Variants in ZNF619 observed in about 807,000 individuals in gnomAD.
The protein encoded by ZNF619 is zinc finger protein 619.
Under a neutral mutation model 14.2 loss-of-function variants are expected in ZNF619, and 9 were observed. The ratio of observed to expected loss-of-function variants is 0.64; its 90% CI spans 0.38 to 1.11. ZNF619 has a LOEUF of 1.11. ZNF619 is among the 50% of genes least tolerant of loss of function. The pLI is 0.01. For synonymous variants in ZNF619, 246 were observed against 252.8 expected, an observed-to-expected ratio of 0.97 and a Z score of 0.26; for missense variants, 659 against 680.1, an observed-to-expected ratio of 0.97 and a Z score of 0.34.
intron 2 of ZNF619, among the ~76,000 whole-genome samples, chr3:40,478,829 TG>T (rs139086403): frequency 0.028 from 4,251 of 152,270 alleles, 182 homozygotes; most frequent in African/African-American, 0.096. Context: ...TGTGTCCTTT[TG>T]GTGGATATTG....
rs149623452 is a variant in ZNF619 at position 40,487,373 on chromosome 3, A to G, written c.863A>G (p.Tyr288Cys). The change falls in exon 5 of 5, where the codon TAT (tyrosine) becomes TGT (cysteine). Residue 288 changes from tyrosine (Y) to cysteine (C), a missense_variant. Transcript: ENST00000432264. ...AAGCTCCATGGTGGACAGAGGCCCT[A>G]TGAATGTACTGACTGTGGTAAAACC... ...HQKLHGGQRPYECTDCGKTFS... is the reference protein window; with the variant it reads ...HQKLHGGQRPCECTDCGKTFS... The G allele has an allele frequency of 4.3e-6, 7 of 1,614,120 alleles. No homozygotes were observed. The highest frequency in any genetic ancestry group is 3.3e-5 in the Admixed American group (2 of 60,006).
At chr3:40,481,142 T>C (rs1160058411) in intron 2 of ZNF619, among the ~76,000 whole-genome samples, 5 of 152,222 alleles carry the variant, frequency 3.3e-5, no homozygotes, top group African/African-American at 1.2e-4. Flanking sequence ...AGGACAAAGC[T>C]TTAAACAACC....
chr3:40,484,337 A>ATT (rs1472021643), intron 4 of ZNF619, among the ~76,000 whole-genome samples: 1 of 152,244 alleles, frequency 6.6e-6, no homozygotes, highest in African/African-American at 2.4e-5. Context: ...TTTTGAAAGA[A>ATT]AGCTTGTTTA....
chr3:40,484,560 C>T (rs1235319534), intron 4 of ZNF619, among the ~76,000 whole-genome samples: 1 of 152,168 alleles, frequency 6.6e-6, no homozygotes, highest in Non-Finnish European at 1.5e-5. Flanking sequence ...TTGATTTCAG[C>T]ATTTCAGATC....
chr3:40,487,487 G>T lies in ZNF619; in HGVS notation c.977G>T (p.Ser326Ile). Residue 326 changes from serine to isoleucine, a missense_variant, in exon 5 of 5, where the codon AGT (serine) becomes ATT (isoleucine). Physicochemically the swap from Ser to Ile is moderately radical, Grantham distance 142. Transcript: ENST00000432264. ...TGTAAGGAATGTGGGAAAGCCTTCAGTTGTAGCTATGACTGCATCATCCAT... is the reference window on the plus strand; with the variant it reads ...TGTAAGGAATGTGGGAAAGCCTTCATTTGTAGCTATGACTGCATCATCCAT... ...FKCKECGKAF[S>I]CSYDCIIHER... 6.2e-7 allele frequency: 1 copy of T among 1,614,168 alleles called. No individual in the cohort carries two copies. The highest frequency in any genetic ancestry group is 8.5e-7 in the Non-Finnish European group (1 of 1,180,012).
chr3:40,482,750 C>A (rs1449364684), intron 4 of ZNF619, 46 bp downstream of exon 4: 2 of 1,444,534 alleles, frequency 1.4e-6, no homozygotes, highest in Non-Finnish European at 1.9e-6. Flanking sequence ...TTGCCTCCTC[C>A]TTTCTTTTAA....
intron 2 of ZNF619, among the ~76,000 whole-genome samples, chr3:40,480,318 G>A (rs1050199709): frequency 6.6e-6 from 1 of 152,050 alleles, no homozygotes; most frequent in Non-Finnish European, 1.5e-5. Flanking sequence ...TGAACTTTCT[G>A]GCTAAGGGGT....
chr3:40,478,393 G>T (rs1292447742), intron 2 of ZNF619, among the ~76,000 whole-genome samples: 1 of 152,192 alleles, frequency 6.6e-6, no homozygotes, highest in Non-Finnish European at 1.5e-5. Context: ...AGGAGTGCTA[G>T]TCTGCGTTCA....
rs758823349 is a variant in ZNF619 at position 40,477,931 on chromosome 3, T to TA, written c.-48dup. The TA allele has an allele frequency of 6.5e-7, 1 of 1,550,370 alleles. No individual in the cohort carries two copies. The highest frequency in any genetic ancestry group is 1.4e-5 in the African/African-American group (1 of 73,062). On this transcript the variant is annotated 5_prime_UTR_variant, in exon 2 of 5. It removes the in-frame stop codon of an upstream open reading frame in the 5' UTR. Transcript: ENST00000432264. ...GTTCTCTCTTAGCTCCGCAGGTTCTTACTTTTTCAAACCTAGAGGGCAGTG... is the reference window on the plus strand; with the variant it reads ...GTTCTCTCTTAGCTCCGCAGGTTCTTAACTTTTTCAAACCTAGAGGGCAGTG...
chr3:40,480,936 A>G (rs1028806228), intron 2 of ZNF619, among the ~76,000 whole-genome samples: 1 of 152,228 alleles, frequency 6.6e-6, no homozygotes, highest in African/African-American at 2.4e-5. Context: ...ACTAATTTAT[A>G]TAAAAGTGGT....
chr3:40,489,176 T>C lies in ZNF619; in HGVS notation c.*935T>C, dbSNP rs1697734307. ...AGGGGATATGGTTTTTCAATTTGGG[T>C]TCCTTCTCTATTTTCATTTTCCTTT... On this transcript the variant is annotated 3_prime_UTR_variant, in exon 5 of 5. Coordinates refer to ENST00000432264, the MANE Select transcript of ZNF619 (RefSeq NM_001145093.4). 6.6e-6 allele frequency: 1 copy of C among 151,350 alleles called. No individual in the cohort carries two copies. Among genetic ancestry groups the C allele is most frequent in the Non-Finnish European group, 1.5e-5 (1 of 67,786 alleles). The allele number at this position is 151,350 out of a possible 1,614,324, so 9.4% of individuals were successfully genotyped here.
In ZNF619 at chr3:40,478,148, C is replaced by T. The variant is rs978694727; in HGVS notation, c.24+145C>T. ...AAAAACAGTATGCGAGGGGAGTTGA[C>T]GAACGAGAGTAGGTGAATTTGGGAG... On this transcript the variant is annotated intron_variant, in intron 2 of 4. Coordinates refer to ENST00000432264, the MANE Select transcript of ZNF619 (RefSeq NM_001145093.4). 52 of 712,130 alleles carry T rather than the reference C, an allele frequency of 7.3e-5. No homozygotes were observed. In the Admixed American group the frequency reaches 9.3e-4, roughly 13 times the overall value. The allele number at this position is 712,130 out of a possible 1,614,324, so 44.1% of individuals were successfully genotyped here. A position where few individuals can be genotyped will look rare whatever the true frequency, so the allele number is the denominator to read the frequency against.
Position 40,488,708 on chromosome 3 carries a change from C to G in ZNF619, c.*467C>G, listed in dbSNP as rs1697722001. 6.4e-6 allele frequency: 1 copy of G among 156,652 alleles called. No individual in the cohort carries two copies. The highest frequency in any genetic ancestry group is 1.4e-5 in the Non-Finnish European group (1 of 71,244). The allele number at this position is 156,652 out of a possible 1,614,324, so 9.7% of individuals were successfully genotyped here. On this transcript the variant is annotated 3_prime_UTR_variant, in exon 5 of 5. Transcript: ENST00000432264. The stretch of plus-strand genomic sequence containing the variant: ...CGGAGTTTCACTCTTGTCACCCAGG[C>G]TGTTTGCAGTGGTGTGATCTTGGCT...
rs1271254295 is a variant in ZNF619 at position 40,487,010 on chromosome 3, A to T, written c.500A>T (p.Asp167Val). The T allele has an allele frequency of 6.2e-6, 10 of 1,614,068 alleles. No homozygotes were observed. The highest frequency in any genetic ancestry group is 8.5e-6 in the Non-Finnish European group (10 of 1,180,024). Reference protein sequence around the residue: ...IGDCTDLTVQDHESSTTEREE... With the variant: ...IGDCTDLTVQVHESSTTEREE... ...GATTGCACAGATTTGACAGTCCAGG[A>T]TCATGAATCTTCCACCACTGAAAGG... The change falls in exon 5 of 5, where the codon GAT (aspartate) becomes GTT (valine). Residue 167 changes from aspartate (D) to valine (V), a missense_variant. Transcript: ENST00000432264.
intron 4 of ZNF619, among the ~76,000 whole-genome samples, chr3:40,483,054 A>C (rs1337615665): frequency 6.6e-6 from 1 of 152,120 alleles, no homozygotes; most frequent in African/African-American, 2.4e-5. Context: ...TACAATAAAT[A>C]AATAAATTAG....
chr3:40,488,263 C>G lies in ZNF619; in HGVS notation c.*22C>G, dbSNP rs539086718. 1 of 1,208,170 alleles carries G rather than the reference C, an allele frequency of 8.3e-7. No individual in the cohort carries two copies. The highest frequency in any genetic ancestry group is 1.2e-6 in the Non-Finnish European group (1 of 838,514). The allele number at this position is 1,208,170 out of a possible 1,614,324, so 74.8% of individuals were successfully genotyped here. On this transcript the variant is annotated 3_prime_UTR_variant, in exon 5 of 5. Coordinates refer to ENST00000432264, the MANE Select transcript of ZNF619 (RefSeq NM_001145093.4). ...GTAAGCCCCGTCACGTTCTCAAAAT[C>G]CTTTGCACCTCAAGTTAGGGATTCC... is the stretch of plus-strand genomic sequence containing the variant.
Position 40,481,771 on chromosome 3 carries a change from C to G in ZNF619, c.25-92C>G. ...TGGGGTCCTGTGTGGCTCTCCTTGC[C>G]AGTACAAACCTTCCATGGGGCTCAG... is the stretch of plus-strand genomic sequence containing the variant. On this transcript the variant is annotated intron_variant, in intron 2 of 4. Coordinates refer to ENST00000432264, the MANE Select transcript of ZNF619 (RefSeq NM_001145093.4). 4 of 1,500,028 alleles carry G rather than the reference C, an allele frequency of 2.7e-6. No homozygotes were observed. The South Asian group carries it at 5.4e-5, about 20-fold the overall frequency. 92.9% of individuals were successfully genotyped at this position (1,500,028 alleles called of 1,614,324 possible).
At chr3:40,480,283 G>A (rs1240003773) in intron 2 of ZNF619, among the ~76,000 whole-genome samples, 1 of 152,080 alleles carries the variant, frequency 6.6e-6, no homozygotes, top group Non-Finnish European at 1.5e-5. Flanking sequence ...ATCAATTAAA[G>A]TTCCTCAGTC....
rs898065589 is a variant in ZNF619 at position 40,488,896 on chromosome 3, G to A, written c.*655G>A. On this transcript the variant is annotated 3_prime_UTR_variant, in exon 5 of 5. Coordinates refer to ENST00000432264, the MANE Select transcript of ZNF619 (RefSeq NM_001145093.4). ...GCTGGTCTCAAAATCCTGACCTCAGGTGATTCACCTGCCTCAGTCTCCCAA... is the reference window on the plus strand; with the variant it reads ...GCTGGTCTCAAAATCCTGACCTCAGATGATTCACCTGCCTCAGTCTCCCAA... 50 of 152,236 alleles carry A rather than the reference G, an allele frequency of 3.3e-4. No homozygotes were observed. The highest frequency in any genetic ancestry group is 1.2e-3 in the African/African-American group (49 of 41,434). The allele number at this position is 152,236 out of a possible 1,614,324, so 9.4% of individuals were successfully genotyped here. A position where few individuals can be genotyped will look rare whatever the true frequency, so the allele number is the denominator to read the frequency against.
Sources: allele counts gnomAD v4.1 joint callset (sites outside exome capture counted in the v4.1 genomes callset), GRCh38; gene constraint gnomAD v4.1.1; transcripts MANE v1.5; gene names NCBI Gene and HGNC (gene_info 2026-07-23, HGNC 2026-07-21).